Variants in SLC24A2 observed in about 807,000 individuals in gnomAD.
SLC24A2 encodes solute carrier family 24 member 2.
Under a neutral mutation model 62.0 loss-of-function variants are expected in SLC24A2, and 36 were observed. The observed-to-expected ratio is 0.58, with a 90% CI of 0.44 to 0.77. SLC24A2 has a LOEUF of 0.77. Ranked by LOEUF, SLC24A2 falls within the 30% of genes least tolerant of loss-of-function variation. The pLI, the probability that SLC24A2 is intolerant of heterozygous loss-of-function variation, is 0.00. For synonymous variants in SLC24A2, 358 were observed against 294.0 expected (o/e 1.22, Z -2.23); for missense variants, 846 against 817.9 (o/e 1.03, Z -0.42).
At chr9:19,749,548 A>G (rs1435806530) in intron 2 of SLC24A2, among the ~76,000 whole-genome samples, 1 of 152,184 alleles carries the variant, frequency 6.6e-6, no homozygotes, top group Non-Finnish European at 1.5e-5. Context: ...TTCTTACTAG[A>G]AGAGATTCTA....
chr9:20,239,029 A>C, the SLC24A2 span, among the ~76,000 whole-genome samples: 3 of 152,172 alleles, frequency 2.0e-5, no homozygotes, highest in African/African-American at 7.2e-5. Flanking sequence ...AAATTGGCTA[A>C]ATCCTTGACC....
At chr9:19,833,535 G>A in the SLC24A2 span, among the ~76,000 whole-genome samples, 50 of 152,314 alleles carry the variant, frequency 3.3e-4, 1 homozygote, top group South Asian at 7.3e-3. Context: ...GGGGAGGGGC[G>A]CCCGCCATTG....
At chr9:19,742,388 C>G (rs7869301) in intron 2 of SLC24A2, among the ~76,000 whole-genome samples, 68,304 of 151,940 alleles carry the variant, frequency 0.45, 15,917 homozygotes, top group Non-Finnish European at 0.52. Flanking sequence ...AGTTGCCCAT[C>G]CTTTCAGAAG....
chr9:19,624,592 G>A (rs1817987893), intron 2 of SLC24A2, among the ~76,000 whole-genome samples: 1 of 152,176 alleles, frequency 6.6e-6, no homozygotes, highest in South Asian at 2.1e-4. Context: ...TGAGTGCAGA[G>A]ACAGGCCTGA....
the SLC24A2 span, among the ~76,000 whole-genome samples, chr9:20,253,427 T>C: frequency 0.45 from 67,972 of 152,040 alleles, 16,921 homozygotes; most frequent in East Asian, 0.9. Flanking sequence ...ACTTCAATAA[T>C]AATTGTTTGT....
chr9:19,528,921 AGT>A (rs1467571084), intron 8 of SLC24A2, among the ~76,000 whole-genome samples: 3 of 152,076 alleles, frequency 2.0e-5, no homozygotes, highest in African/African-American at 7.3e-5. Context: ...TCAGGCATAA[AGT>A]GTGAGCATTT....
At chr9:19,710,872 A>C (rs568284789) in intron 2 of SLC24A2, among the ~76,000 whole-genome samples, 104 of 152,308 alleles carry the variant, frequency 6.8e-4, no homozygotes, top group African/African-American at 2.5e-3. Flanking sequence ...TCCTACCCTC[A>C]AGCCAGTGAA....
chr9:19,533,492 C>T (rs909454394), intron 8 of SLC24A2, among the ~76,000 whole-genome samples: 1 of 152,194 alleles, frequency 6.6e-6, no homozygotes. Flanking sequence ...GAAGTGACAG[C>T]GTGCAAATTT....
At chr9:20,204,793 G>T in the SLC24A2 span, among the ~76,000 whole-genome samples, 2 of 149,348 alleles carry the variant, frequency 1.3e-5, no homozygotes, top group African/African-American at 5.0e-5. Context: ...ACCCAGGCTG[G>T]AATGCAGTGG....
At chr9:20,241,814 C>A in the SLC24A2 span, among the ~76,000 whole-genome samples, 15 of 152,126 alleles carry the variant, frequency 9.9e-5, no homozygotes, top group East Asian at 2.7e-3. Context: ...GTTAGCCAAG[C>A]TGAAGGAGCA....
At chr9:19,916,673 AT>A in the SLC24A2 span, among the ~76,000 whole-genome samples, 10 of 152,010 alleles carry the variant, frequency 6.6e-5, no homozygotes, top group Non-Finnish European at 1.5e-4. Context: ...ATTATTAAAT[AT>A]TCCTGGAAAA....
chr9:19,687,374 A>C (rs1395944879), intron 2 of SLC24A2, among the ~76,000 whole-genome samples: 2 of 152,100 alleles, frequency 1.3e-5, no homozygotes, highest in Non-Finnish European at 2.9e-5. Context: ...ATAGTCCTCA[A>C]GTTACTTAAA....
At chr9:19,921,777 G>A in the SLC24A2 span, among the ~76,000 whole-genome samples, 3 of 152,116 alleles carry the variant, frequency 2.0e-5, no homozygotes, top group South Asian at 6.2e-4. Flanking sequence ...ACGGTACAAG[G>A]CCTCTTTTCA....
chr9:20,303,466 C>T, the SLC24A2 span, among the ~76,000 whole-genome samples: 1 of 152,186 alleles, frequency 6.6e-6, no homozygotes, highest in Non-Finnish European at 1.5e-5. Context: ...TCCCACAAGT[C>T]TGTTCCCTTT....
chr9:19,622,228 C>G (rs1817925027), intron 3 of SLC24A2, 33 bp downstream of exon 3: 1 of 1,606,384 alleles, frequency 6.2e-7, no homozygotes, highest in South Asian at 1.1e-5. Flanking sequence ...CACAGGCACA[C>G]AAACAGGTAC....
chr9:19,583,853 G>C (rs576544757), intron 5 of SLC24A2, among the ~76,000 whole-genome samples: 1 of 152,248 alleles, frequency 6.6e-6, no homozygotes, highest in Non-Finnish European at 1.5e-5. Flanking sequence ...AGAAGGTTAG[G>C]TGAACACCAT....
chr9:19,765,802 T>C (rs984487195), intron 2 of SLC24A2, among the ~76,000 whole-genome samples: 1 of 152,140 alleles, frequency 6.6e-6, no homozygotes, highest in African/African-American at 2.4e-5. Context: ...AGGAGTATCT[T>C]TGTGGTGTTC....
At chr9:19,708,171 T>G (rs925697539) in intron 2 of SLC24A2, among the ~76,000 whole-genome samples, 2 of 152,050 alleles carry the variant, frequency 1.3e-5, no homozygotes, top group African/African-American at 4.8e-5. Context: ...TCAAAGAGAA[T>G]GAAATACCTA....
At chr9:20,202,612 G>A in the SLC24A2 span, among the ~76,000 whole-genome samples, 6 of 152,088 alleles carry the variant, frequency 3.9e-5, no homozygotes, top group Non-Finnish European at 5.9e-5. Context: ...TGTAAAAGTT[G>A]GCTTTGATTG....
Sources: allele counts gnomAD v4.1 joint callset (sites outside exome capture counted in the v4.1 genomes callset), GRCh38; gene constraint gnomAD v4.1.1; transcripts MANE v1.5; gene names NCBI Gene and HGNC (gene_info 2026-07-23, HGNC 2026-07-21).